Variants in BLM observed in about 807,000 individuals in gnomAD.
BLM encodes the protein recQ-like DNA helicase BLM.
In BLM, 95 loss-of-function variants were observed where a neutral mutation model predicts 135.3. That is an observed-to-expected ratio of 0.70 (90% CI 0.59 to 0.83). BLM has a LOEUF of 0.83. Among genes scored for constraint, BLM ranks in the 40% least tolerant of loss-of-function variants. BLM has a pLI of 0.00. For missense variants in BLM, 1,518 were observed against 1,663.9 expected, an observed-to-expected ratio of 0.91 and a Z score of 1.53; for synonymous variants, 520 against 589.2, an observed-to-expected ratio of 0.88 and a Z score of 1.70.
intron 12 of BLM, among the ~76,000 whole-genome samples, chr15:90,779,392 T>A (rs1374535601): frequency 3.9e-5 from 6 of 152,302 alleles, no homozygotes; most frequent in African/African-American, 1.2e-4. Context: ...GAAAAAGCAA[T>A]AAGGCCATTG....
intron 14 of BLM, among the ~76,000 whole-genome samples, chr15:90,789,183 T>A (rs1043274753): frequency 6.6e-6 from 1 of 152,182 alleles, no homozygotes; most frequent in African/African-American, 2.4e-5. Context: ...CTCGACAGAC[T>A]TGATCTCGTT....
At position 90,770,983 on chromosome 15, in the gene BLM, A is replaced by G. The variant is rs74492724; in HGVS notation, c.2555+1397A>G. ...TTAAGTTGTTTGGTTCCAGCCTAGA[A>G]TTATTTTATTGCTAGTAGCACTGTT... On this transcript the variant is annotated intron_variant, in intron 12 of 21. Coordinates refer to ENST00000355112, the MANE Select transcript of BLM (RefSeq NM_000057.4). Among the ~76,000 whole-genome samples the G allele has an allele frequency of 4.8e-3, 727 of 152,312 alleles. 12 individuals carry two copies. The highest frequency in any genetic ancestry group is 0.029 in the East Asian group (151 of 5,188).
chr15:90,726,361 T>G (rs78919107), intron 1 of BLM, among the ~76,000 whole-genome samples: 5 of 152,160 alleles, frequency 3.3e-5, no homozygotes, highest in Non-Finnish European at 5.9e-5. Context: ...CTCTGCCTCC[T>G]GGGTTCAAGC....
intron 1 of BLM, among the ~76,000 whole-genome samples, chr15:90,728,784 A>G (rs943092306): frequency 1.3e-5 from 2 of 152,160 alleles, no homozygotes; most frequent in South Asian, 2.1e-4. Flanking sequence ...TAGAAAAACA[A>G]TTTATTTTTG....
chr15:90,797,620 A>G (rs1409411658), intron 16 of BLM, among the ~76,000 whole-genome samples: 1 of 152,108 alleles, frequency 6.6e-6, no homozygotes. Context: ...AGCACCAAGC[A>G]TGATGCAGCT....
chr15:90,788,776 C>T (rs1896822979), intron 14 of BLM, among the ~76,000 whole-genome samples: 1 of 151,650 alleles, frequency 6.6e-6, no homozygotes, highest in East Asian at 1.9e-4. Context: ...AGTTCAAGAC[C>T]AGCCCAGGCA....
At chr15:90,808,735 A>G (rs1385664402) in intron 19 of BLM, 1 of 317,372 alleles carries the variant, frequency 3.2e-6, no homozygotes, top group African/African-American at 2.2e-5. Context: ...GAGTGCAGAG[A>G]AGAGGCTGGA....
rs1897492388 is a variant in BLM, at chr15:90,814,090, CTAGCAGATCTCTGCCAGTT to C, written c.4077-1011_4077-993del. Among the ~76,000 whole-genome samples the C allele has an allele frequency of 3.9e-5, 6 of 152,342 alleles. No homozygotes were observed. In the South Asian group the frequency reaches 8.3e-4, roughly 21 times the overall value. On this transcript the variant is annotated intron_variant, in intron 21 of 21. Coordinates refer to ENST00000355112, the MANE Select transcript of BLM (RefSeq NM_000057.4). ...AACTTCAGGCTGCATCTCTGCCAGTCTAGCAGATCTCTGCCAGTTCTGCAGTAAAACTGCCTTGGAGCCA... is the reference window on the plus strand; with the variant it reads ...AACTTCAGGCTGCATCTCTGCCAGTCCTGCAGTAAAACTGCCTTGGAGCCA...
At position 90,780,031 on chromosome 15, in the gene BLM, T is replaced by C. The variant is rs375205560; in HGVS notation, c.2556-2791T>C. On this transcript the variant is annotated intron_variant, in intron 12 of 21. Transcript: ENST00000355112. Reference sequence around the variant, plus strand: ...GATTGGTTTGTTTGTTTTCAGGAAGTGAGGCAATCGTAAAAGGGAAAAATG... The same window carrying C: ...GATTGGTTTGTTTGTTTTCAGGAAGCGAGGCAATCGTAAAAGGGAAAAATG... 6.6e-5 allele frequency among the ~76,000 whole-genome samples: 10 copies of C among 151,548 alleles called. No homozygotes were observed. The South Asian group carries it at 8.4e-4, about 13-fold the overall frequency.
At chr15:90,811,937 C>T (rs560438977) in intron 21 of BLM, among the ~76,000 whole-genome samples, 96 of 152,290 alleles carry the variant, frequency 6.3e-4, no homozygotes, top group Non-Finnish European at 6.6e-4. Context: ...GGATTACAGA[C>T]GTGAGCCACC....
rs60589046 is a variant in BLM at position 90,735,236 on chromosome 15, AATATATATATATAT to A, written c.-4-12130_-4-12117del. On this transcript the variant is annotated intron_variant, in intron 1 of 21. Coordinates refer to ENST00000355112, the MANE Select transcript of BLM (RefSeq NM_000057.4). ...ACAACATCATAAAAGTGCCTAAGTT[AATATATATATATAT>A]ATATATATATATATATATATATTTA... Among the ~76,000 whole-genome samples, 274 of 108,206 alleles carry A rather than the reference AATATATATATATAT, an allele frequency of 2.5e-3. 4 individuals carry two copies. Among genetic ancestry groups the A allele is most frequent in the African/African-American group, 8.4e-3 (236 of 28,218 alleles). The allele number at this position is 108,206 out of a possible 152,430, so 71.0% of individuals were successfully genotyped here. A position where few individuals can be genotyped will look rare whatever the true frequency, so the allele number is the denominator to read the frequency against.
chr15:90,765,301 G>A lies in BLM; in HGVS notation c.2080G>A (p.Gly694Ser). 1 of 1,603,702 alleles carries A rather than the reference G, an allele frequency of 6.2e-7. No individual in the cohort carries two copies. Among genetic ancestry groups the A allele is most frequent in the Non-Finnish European group, 8.5e-7 (1 of 1,170,606 alleles). Residue 694 changes from glycine (G) to serine (S), a missense_variant, in exon 9 of 22, where the codon GGT becomes AGT. By Grantham distance (56) the Gly-to-Ser change is moderately conservative. This residue lies in a region of BLM where 626 missense variants were observed against 681.1 expected (regional missense o/e 0.92). Transcript: ENST00000355112. Reference sequence around the variant, plus strand: ...TTTTCATTGTTCTCTTTCAGGAGGTGGTAAGAGTTTGTGTTACCAGCTCCC... The same window carrying A: ...TTTTCATTGTTCTCTTTCAGGAGGTAGTAAGAGTTTGTGTTACCAGCTCCC... Reference protein sequence around the residue: ...DCFILMPTGGGKSLCYQLPAC... With the variant: ...DCFILMPTGGSKSLCYQLPAC...
In BLM at chr15:90,811,407, G is replaced by T. The variant is rs752899566; in HGVS notation, c.4076+1G>T. 8.1e-6 allele frequency: 13 copies of T among 1,613,806 alleles called. 1 individual carries two copies. The South Asian group carries it at 1.4e-4, about 18-fold the overall frequency. The stretch of plus-strand genomic sequence containing the variant: ...CTTCCAGTGGTTCCAAGGCAAAGGG[G>T]TATGTTTTGTGACATCTTTTTCAAT... On this transcript the variant is annotated splice_donor_variant, in intron 21 of 21. Coordinates refer to ENST00000355112, the MANE Select transcript of BLM (RefSeq NM_000057.4). LOFTEE classifies it high-confidence loss of function.
At chr15:90,813,751 C>A (rs1897482296) in intron 21 of BLM, among the ~76,000 whole-genome samples, 1 of 152,074 alleles carries the variant, frequency 6.6e-6, no homozygotes, top group African/African-American at 2.4e-5. Context: ...TTTGTGTTAC[C>A]CTTGGAGCAG....
At chr15:90,750,418 A>T (rs1252385891) in intron 3 of BLM, among the ~76,000 whole-genome samples, 2 of 152,138 alleles carry the variant, frequency 1.3e-5, no homozygotes, top group African/African-American at 2.4e-5. Context: ...TGGGACCATT[A>T]TTAAGAAAAC....
intron 1 of BLM, among the ~76,000 whole-genome samples, chr15:90,732,602 A>G (rs1264077852): frequency 6.6e-6 from 1 of 151,968 alleles, no homozygotes; most frequent in Admixed American, 6.6e-5. Context: ...AAAAAAAAAA[A>G]AAGGTAAGGC....
chr15:90,790,664 A>G lies in BLM; in HGVS notation c.2839A>G (p.Ile947Val), dbSNP rs189925962. ...QDGCQVICAT[I>V]AFGMGIDKPD... ...TTTATATCAGGTTATCTGTGCTACA[A>G]TTGCATTTGGAATGGGGATTGACAA... Residue 947 changes from isoleucine to valine, a missense_variant, in exon 15 of 22, where the codon ATT becomes GTT. Around this residue, in one of 5 missense-constraint regions of BLM, gnomAD observed 626 missense variants for 681.1 expected, o/e 0.92. Transcript: ENST00000355112. 1.6e-4 allele frequency: 256 copies of G among 1,614,154 alleles called. 2 individuals are homozygous for G. The East Asian group carries it at 5.3e-3, about 33-fold the overall frequency.
intron 13 of BLM, among the ~76,000 whole-genome samples, chr15:90,784,298 T>C (rs1896687123): frequency 6.6e-6 from 1 of 151,518 alleles, no homozygotes; most frequent in Non-Finnish European, 1.5e-5. Flanking sequence ...CCATATGCTT[T>C]TGACAAAGTT....
At chr15:90,747,275 C>A in intron 1 of BLM, 114 bp from the exon 2 acceptor site, 57 of 469,852 alleles carry the variant, frequency 1.2e-4, no homozygotes, top group East Asian at 4.1e-4. Context: ...TCCTATTACT[C>A]TGGGCACAGT....
Sources: gnomAD v4.1 joint callset for allele counts (sites outside exome capture counted in the v4.1 genomes callset) on GRCh38, gnomAD v4.1.1 for gene constraint, gnomAD v4.1.1 regional missense constraint, MANE v1.5 for transcripts, NCBI Gene and HGNC (gene_info 2026-07-23, HGNC 2026-07-21) for gene names.